CATSPERE: variants seen among roughly 807,000 people sequenced by gnomAD.
CATSPERE encodes the protein cation channel sperm-associated auxiliary subunit epsilon.
CATSPERE carries 93 observed loss-of-function variants against 114.1 expected under a neutral mutation model. The observed-to-expected ratio is 0.81, with a 90% CI of 0.69 to 0.97. The LOEUF (loss-of-function observed/expected upper bound fraction) is 0.97. CATSPERE is among the 50% of genes least tolerant of loss of function. The probability of loss-of-function intolerance (pLI) is 0.00; values close to 1 mark genes in which losing one functional copy is unlikely to be tolerated. For missense variants in CATSPERE, 1,058 were observed against 1,131.6 expected (o/e 0.93, Z 0.93); for synonymous variants, 341 against 384.1 (o/e 0.89, Z 1.31).
intron 14 of CATSPERE, 147 bp downstream of exon 14, chr1:244,588,681 A>G (rs1346479146): frequency 3.0e-6 from 2 of 663,576 alleles, no homozygotes; most frequent in Non-Finnish European, 5.4e-6. Context: ...CCTAGATTCA[A>G]TTGGTTTAAA....
At chr1:244,603,280 C>T (rs987019429) in intron 17 of CATSPERE, among the ~76,000 whole-genome samples, 14 of 152,054 alleles carry the variant, frequency 9.2e-5, no homozygotes, top group Non-Finnish European at 1.6e-4. Context: ...AAATTAAAGT[C>T]GTGGTTAATA....
In CATSPERE at chr1:244,518,615, G is replaced by A; in HGVS notation, c.453G>A (p.Gln151=). ...PSINSIVLST[Q]MATLGQKPVI... ...AGAATTCCATAGTACTCAGCACACAGATGGCCACATTGGGACAGAAGCCTG... is the reference window on the plus strand; with the variant it reads ...AGAATTCCATAGTACTCAGCACACAAATGGCCACATTGGGACAGAAGCCTG... Residue 151 remains glutamine (Q), a synonymous_variant, in exon 8 of 22, where the codon CAG becomes CAA. Coordinates refer to ENST00000366534, the MANE Select transcript of CATSPERE (RefSeq NM_001130957.2). The A allele has an allele frequency of 1.3e-6, 2 of 1,595,388 alleles. No individual in the cohort carries two copies. Among genetic ancestry groups the A allele is most frequent in the Non-Finnish European group, 1.7e-6 (2 of 1,165,214 alleles).
chr1:244,539,201 A>G (rs1338835759), intron 8 of CATSPERE, among the ~76,000 whole-genome samples: 1 of 151,680 alleles, frequency 6.6e-6, no homozygotes, highest in Non-Finnish European at 1.5e-5. Context: ...GAATTTTGTC[A>G]AAGGCCTTTT....
At chr1:244,521,927 G>A (rs934756739) in intron 8 of CATSPERE, among the ~76,000 whole-genome samples, 3 of 149,268 alleles carry the variant, frequency 2.0e-5, no homozygotes, top group Admixed American at 1.3e-4. Context: ...TTAGATCAAC[G>A]AGACAGAAAG....
At chr1:244,567,102 T>G (rs1663692532) in intron 10 of CATSPERE, among the ~76,000 whole-genome samples, 1 of 152,232 alleles carries the variant, frequency 6.6e-6, no homozygotes, top group African/African-American at 2.4e-5. Context: ...CCTTTGCTTA[T>G]GAAGCTTAGT....
Position 244,536,053 on chromosome 1 carries a change from G to A in CATSPERE, c.537-16269G>A, listed in dbSNP as rs75568178. 5.6e-3 allele frequency among the ~76,000 whole-genome samples: 853 copies of A among 152,036 alleles called. 9 individuals are homozygous for A. The highest frequency in any genetic ancestry group is 0.019 in the African/African-American group (780 of 41,464). Reference sequence around the variant, plus strand: ...GGCCCAGGGTGTGTCTGGAAATGTCGTCTAGGAACTAGGGCCTGGCATGGG... The same window carrying A: ...GGCCCAGGGTGTGTCTGGAAATGTCATCTAGGAACTAGGGCCTGGCATGGG... On this transcript the variant is annotated intron_variant, in intron 8 of 21. Coordinates refer to ENST00000366534, the MANE Select transcript of CATSPERE (RefSeq NM_001130957.2).
intron 8 of CATSPERE, among the ~76,000 whole-genome samples, chr1:244,532,311 T>C (rs1322327984): frequency 6.6e-6 from 1 of 152,188 alleles, no homozygotes; most frequent in Non-Finnish European, 1.5e-5. Flanking sequence ...TTAATTTATC[T>C]CTGCTCTGAT....
intron 6 of CATSPERE, among the ~76,000 whole-genome samples, chr1:244,497,985 A>G (rs1673395375): frequency 6.6e-6 from 1 of 152,144 alleles, no homozygotes; most frequent in Admixed American, 6.6e-5. Context: ...ATCAGTATCT[A>G]TGAAAATTGC....
intron 20 of CATSPERE, among the ~76,000 whole-genome samples, chr1:244,618,518 C>T (rs1451866890): frequency 6.6e-6 from 1 of 152,168 alleles, no homozygotes; most frequent in African/African-American, 2.4e-5. Context: ...CGGTGGCTCA[C>T]GTCTGTAATC....
intron 8 of CATSPERE, among the ~76,000 whole-genome samples, chr1:244,526,412 GAA>G (rs1199294523): frequency 1.7e-5 from 2 of 119,934 alleles, no homozygotes. Flanking sequence ...GTATCAAAAA[GAA>G]AAAAAAAAAA....
chr1:244,453,856 C>G (rs1244247383), upstream of CATSPERE, among the ~76,000 whole-genome samples: 2 of 152,106 alleles, frequency 1.3e-5, no homozygotes, highest in Admixed American at 1.3e-4. Flanking sequence ...TCTGTAGCCC[C>G]ATTGCAGGGT....
chr1:244,549,880 G>A (rs1370923752), intron 8 of CATSPERE, among the ~76,000 whole-genome samples: 2 of 152,190 alleles, frequency 1.3e-5, no homozygotes, highest in Admixed American at 6.5e-5. Flanking sequence ...GGTAGACTGA[G>A]TAAAGAAGAT....
chr1:244,555,540 C>T (rs1661453886), intron 9 of CATSPERE, among the ~76,000 whole-genome samples: 1 of 152,128 alleles, frequency 6.6e-6, no homozygotes, highest in African/African-American at 2.4e-5. Context: ...AGGATTCCCA[C>T]CCTCACCACT....
intron 10 of CATSPERE, among the ~76,000 whole-genome samples, chr1:244,566,652 C>CTTTTTTTT (rs59466928): frequency 7.7e-4 from 38 of 49,034 alleles, no homozygotes; most frequent in Admixed American, 9.8e-4. Context: ...GCAACCCCTG[C>CTTTTTTTT]TTTTTTTTTT....
At chr1:244,559,341 T>C (rs534666091) in intron 9 of CATSPERE, among the ~76,000 whole-genome samples, 9 of 152,380 alleles carry the variant, frequency 5.9e-5, no homozygotes, top group Admixed American at 2.6e-4. Flanking sequence ...TGTGTCTTTC[T>C]TTGGTTACCA....
chr1:244,593,814 C>T (rs1668033355), intron 17 of CATSPERE, among the ~76,000 whole-genome samples: 3 of 152,170 alleles, frequency 2.0e-5, no homozygotes, highest in African/African-American at 7.2e-5. Context: ...TGAGAGCCTG[C>T]CTGTCAGGGA....
chr1:244,491,672 A>AC (rs1220039716), intron 6 of CATSPERE, among the ~76,000 whole-genome samples: 1 of 152,214 alleles, frequency 6.6e-6, no homozygotes, highest in Non-Finnish European at 1.5e-5. Context: ...TTTTGAAAAG[A>AC]CCAACAAAAT....
intron 8 of CATSPERE, among the ~76,000 whole-genome samples, chr1:244,528,320 G>C (rs1050686100): frequency 4.6e-5 from 7 of 151,998 alleles, no homozygotes; most frequent in African/African-American, 1.5e-4. Flanking sequence ...CTATACAACA[G>C]TAAAAATATA....
intron 21 of CATSPERE, 48 bp downstream of exon 21, chr1:244,635,590 A>G (rs756487962): frequency 6.9e-7 from 1 of 1,448,804 alleles, no homozygotes; most frequent in Non-Finnish European, 9.7e-7. Context: ...TTTCTAAGAC[A>G]CAAATGGCAG....
Sources: allele counts gnomAD v4.1 joint callset (sites outside exome capture counted in the v4.1 genomes callset), GRCh38; gene constraint gnomAD v4.1.1; transcripts MANE v1.5; gene names NCBI Gene and HGNC (gene_info 2026-07-23, HGNC 2026-07-21).